MEF2C: variants seen among roughly 807,000 people sequenced by gnomAD.
MEF2C encodes myocyte-specific enhancer factor 2C.
In MEF2C, 6 loss-of-function variants were observed where a neutral mutation model predicts 50.5. The observed-to-expected ratio is 0.12, with a 90% CI of 0.07 to 0.23. The LOEUF (loss-of-function observed/expected upper bound fraction) is 0.23, where lower values mean the gene tolerates loss of function less well. Among genes scored for constraint, MEF2C ranks in the 10% least tolerant of loss-of-function variants. The pLI is 1.00. For synonymous variants in MEF2C, 183 were observed against 228.0 expected, an observed-to-expected ratio of 0.80 and a Z score of 1.78; for missense variants, 276 against 605.0, an observed-to-expected ratio of 0.46 and a Z score of 5.70.
intron 2 of MEF2C, 54 bp from the exon 3 acceptor site, chr5:88,804,855 TTTTTTTCTTTTC>T (rs1799735528): frequency 7.6e-6 from 11 of 1,438,170 alleles, no homozygotes; most frequent in Non-Finnish European, 1.1e-5. Flanking sequence ...GCATGTGTGG[TTTTTTTCTTTTC>T]TTTTTTCTTT....
At chr5:88,746,456 T>A (rs1769657585) in intron 6 of MEF2C, 1 of 341,460 alleles carries the variant, frequency 2.9e-6, no homozygotes, top group Non-Finnish European at 3.6e-6. Context: ...TTTTTTTTTT[T>A]AACAAAGTGA....
chr5:88,772,895 T>A (rs1783027485), intron 3 of MEF2C: 4 of 985,472 alleles, frequency 4.1e-6, no homozygotes, highest in Non-Finnish European at 4.8e-6. Context: ...CACACTTAGA[T>A]GCTAATTGAG....
intron 1 of MEF2C, among the ~76,000 whole-genome samples, chr5:88,842,636 T>C (rs180765928): frequency 2.0e-5 from 3 of 152,128 alleles, no homozygotes; most frequent in Admixed American, 1.3e-4. Context: ...TGGGAAATAC[T>C]GTGATAGTTT....
At chr5:88,750,451 TC>T (rs550874424) in intron 5 of MEF2C, among the ~76,000 whole-genome samples, 12 of 152,194 alleles carry the variant, frequency 7.9e-5, no homozygotes, top group Non-Finnish European at 1.5e-4. Flanking sequence ...CAAGCAATCC[TC>T]CCACCTCAGC....
chr5:88,750,254 A>C (rs1772072528), intron 5 of MEF2C: 1 of 222,134 alleles, frequency 4.5e-6, no homozygotes, highest in South Asian at 1.7e-4. Flanking sequence ...CCCAGGCTGG[A>C]GTATAGTGGC....
Position 88,719,297 on chromosome 5 carries a change from C to A in MEF2C, c.*3307G>T, listed in dbSNP as rs1755494784. On this transcript the variant is annotated 3_prime_UTR_variant, in exon 11 of 11. Transcript: ENST00000504921. ...ATCATTACAAAATGCTAAATTCCAC[C>A]TTTGGGAAAAAATAAGCCATTTTAC... 2 of 152,046 alleles carry A rather than the reference C, an allele frequency of 1.3e-5. No homozygotes were observed. The highest frequency in any genetic ancestry group is 4.1e-4 in the South Asian group (2 of 4,828). The allele number at this position is 152,046 out of a possible 1,614,324, so 9.4% of individuals were successfully genotyped here. A position where few individuals can be genotyped will look rare whatever the true frequency, so the allele number is the denominator to read the frequency against.
At chr5:88,737,545 A>G (rs1305504310) in intron 6 of MEF2C, 1 of 985,304 alleles carries the variant, frequency 1.0e-6, no homozygotes, top group Admixed American at 6.2e-5. Context: ...GTAAATCTCA[A>G]TACTAATTTA....
chr5:88,768,778 CACT>C, intron 3 of MEF2C: 1 of 701,058 alleles, frequency 1.4e-6, no homozygotes, highest in Non-Finnish European at 1.8e-6. Flanking sequence ...TACCATTTCA[CACT>C]ACGTTAAAAC....
At chr5:88,806,057 T>C (rs931926788) in intron 2 of MEF2C, among the ~76,000 whole-genome samples, 1 of 152,094 alleles carries the variant, frequency 6.6e-6, no homozygotes, top group Non-Finnish European at 1.5e-5. Flanking sequence ...TTGTTTAACT[T>C]GCTTTTCGAA....
chr5:88,844,569 TGAAAA>T, intron 1 of MEF2C: 1 of 684,834 alleles, frequency 1.5e-6, no homozygotes, highest in Non-Finnish European at 1.8e-6. Context: ...TACCACTCTT[TGAAAA>T]CTGGGAAAAT....
At chr5:88,754,431 A>C (rs1234941070) in intron 4 of MEF2C, among the ~76,000 whole-genome samples, 1 of 152,148 alleles carries the variant, frequency 6.6e-6, no homozygotes, top group African/African-American at 2.4e-5. Context: ...CCATCTGTAA[A>C]CAGTCCTTTT....
chr5:88,745,211 C>T (rs1448228489), intron 6 of MEF2C, among the ~76,000 whole-genome samples: 1 of 152,216 alleles, frequency 6.6e-6, no homozygotes, highest in African/African-American at 2.4e-5. Flanking sequence ...GGCATACAAA[C>T]TGAATGAGAA....
intron 3 of MEF2C, among the ~76,000 whole-genome samples, chr5:88,794,082 G>C (rs1274803837): frequency 6.6e-6 from 1 of 152,118 alleles, no homozygotes; most frequent in Non-Finnish European, 1.5e-5. Flanking sequence ...CTTTGCTATT[G>C]TGAATAGTGC....
At chr5:88,804,522 T>C (rs1224580365) in intron 3 of MEF2C, 76 bp downstream of exon 3, 42 of 1,263,786 alleles carry the variant, frequency 3.3e-5, no homozygotes, top group Non-Finnish European at 4.6e-5. Flanking sequence ...ATGATGTGTG[T>C]ATGTGTGTGT....
chr5:88,740,759 G>A, intron 6 of MEF2C: 1 of 984,496 alleles, frequency 1.0e-6, no homozygotes, highest in South Asian at 4.7e-5. Flanking sequence ...CCATAAAAAT[G>A]CTATTGAACC....
chr5:88,797,911 T>C (rs1254032319), intron 3 of MEF2C, among the ~76,000 whole-genome samples: 1 of 152,220 alleles, frequency 6.6e-6, no homozygotes, highest in Non-Finnish European at 1.5e-5. Flanking sequence ...TGAAGCTTAG[T>C]TTGGCTGGAT....
intron 1 of MEF2C, among the ~76,000 whole-genome samples, chr5:88,853,706 C>T (rs183854178): frequency 9.9e-5 from 15 of 152,220 alleles, no homozygotes; most frequent in Admixed American, 2.0e-4. Context: ...TAGATGTCCA[C>T]GTAATGAATT....
intron 3 of MEF2C, among the ~76,000 whole-genome samples, chr5:88,783,841 T>G (rs1220174383): frequency 6.6e-6 from 1 of 152,192 alleles, no homozygotes; most frequent in Non-Finnish European, 1.5e-5. Flanking sequence ...GTAAGTTTTG[T>G]GAGGTCACAG....
intron 10 of MEF2C, among the ~76,000 whole-genome samples, chr5:88,724,633 TTA>T (rs1392292493): frequency 6.6e-6 from 1 of 152,138 alleles, no homozygotes; most frequent in Non-Finnish European, 1.5e-5. Context: ...GCTTATTAAT[TTA>T]TAGTCTATCA....
Sources: gnomAD v4.1 joint callset for allele counts (sites outside exome capture counted in the v4.1 genomes callset) on GRCh38, gnomAD v4.1.1 for gene constraint, MANE v1.5 for transcripts, NCBI Gene and HGNC (gene_info 2026-07-23, HGNC 2026-07-21) for gene names.